PDE4B: variants seen among roughly 807,000 people sequenced by gnomAD.
PDE4B encodes the protein 3',5'-cyclic-AMP phosphodiesterase 4B.
PDE4B carries 20 observed loss-of-function variants against 82.2 expected under a neutral mutation model. The ratio of observed to expected loss-of-function variants is 0.24; its 90% CI spans 0.17 to 0.35. PDE4B has a LOEUF of 0.35. PDE4B is among the 10% of genes least tolerant of loss of function. The probability of loss-of-function intolerance (pLI) is 1.00; values close to 1 mark genes in which losing one functional copy is unlikely to be tolerated. For synonymous variants in PDE4B, 320 were observed against 318.9 expected (o/e 1.00, Z -0.04); for missense variants, 655 against 907.2 (o/e 0.72, Z 3.57).
intron 12 of PDE4B, 78 bp downstream of exon 12, chr1:66,363,649 T>C: frequency 8.3e-7 from 1 of 1,202,994 alleles, no homozygotes; most frequent in Non-Finnish European, 1.2e-6. Context: ...TAGTAGCATG[T>C]GCCTGTAGTC....
intron 7 of PDE4B, among the ~76,000 whole-genome samples, chr1:66,287,273 A>G (rs1209310733): frequency 3.9e-5 from 6 of 152,176 alleles, no homozygotes; most frequent in Non-Finnish European, 7.4e-5. Flanking sequence ...TAGAAAGGTC[A>G]TGAGTTTTGA....
At chr1:66,207,727 G>A (rs1361709212) in intron 3 of PDE4B, among the ~76,000 whole-genome samples, 1 of 152,206 alleles carries the variant, frequency 6.6e-6, no homozygotes, top group Non-Finnish European at 1.5e-5. Context: ...CATAATGATA[G>A]AGGATTCTAT....
chr1:66,087,903 G>A (rs1215418121), intron 3 of PDE4B, among the ~76,000 whole-genome samples: 2 of 150,250 alleles, frequency 1.3e-5, no homozygotes, highest in Non-Finnish European at 3.0e-5. Context: ...AGCATTGGGA[G>A]ATATACCTAA....
intron 1 of PDE4B, among the ~76,000 whole-genome samples, chr1:65,816,291 C>T (rs1012955023): frequency 6.6e-6 from 1 of 150,450 alleles, no homozygotes. Flanking sequence ...TTAATTATCT[C>T]AACCCTTGAC....
intron 13 of PDE4B, 86 bp downstream of exon 13, chr1:66,365,852 A>C: frequency 1.4e-6 from 1 of 712,110 alleles, no homozygotes; most frequent in Non-Finnish European, 2.4e-6. Context: ...CATTATGGAT[A>C]ATCACAAGGA....
intron 2 of PDE4B, among the ~76,000 whole-genome samples, chr1:65,913,693 C>G (rs927740044): frequency 2.6e-5 from 4 of 152,188 alleles, no homozygotes; most frequent in African/African-American, 4.8e-5. Context: ...TTCTTCCACA[C>G]TTTTACCCAT....
At chr1:66,013,888 G>A (rs1462704774) in intron 3 of PDE4B, among the ~76,000 whole-genome samples, 2 of 151,998 alleles carry the variant, frequency 1.3e-5, no homozygotes, top group African/African-American at 2.4e-5. Flanking sequence ...CATAATGACT[G>A]TATCATTTGA....
intron 3 of PDE4B, among the ~76,000 whole-genome samples, chr1:66,080,689 T>G (rs1656676640): frequency 6.6e-6 from 1 of 152,172 alleles, no homozygotes; most frequent in South Asian, 2.1e-4. Flanking sequence ...CTGGCCTTCT[T>G]ATCGCTTATT....
At chr1:66,230,662 C>G (rs527341396) in intron 3 of PDE4B, among the ~76,000 whole-genome samples, 6 of 152,130 alleles carry the variant, frequency 3.9e-5, no homozygotes, top group Admixed American at 2.6e-4. Context: ...AAAATTCTTA[C>G]GTCTAAATTC....
At chr1:65,889,950 A>T (rs553573965) in intron 1 of PDE4B, among the ~76,000 whole-genome samples, 146 of 152,220 alleles carry the variant, frequency 9.6e-4, no homozygotes, top group African/African-American at 3.4e-3. Flanking sequence ...GGTTAAACAT[A>T]CCCCAAAACC....
Position 65,913,348 on chromosome 1 carries a change from G to A in PDE4B, c.34G>A (p.Ala12Thr). The A allele has an allele frequency of 6.2e-7, 1 of 1,613,596 alleles. No individual in the cohort carries two copies. The highest frequency in any genetic ancestry group is 1.1e-5 in the South Asian group (1 of 91,062). ...AAGCAGGAGTGTGATGACGGTGATG[G>A]CTGATGATGTAAGTTTCAAAAGGTC... ...KKSRSVMTVMADDNVKDYFEC... is the reference protein window; with the variant it reads ...KKSRSVMTVMTDDNVKDYFEC... Residue 12 changes from alanine to threonine, a missense_variant, in exon 2 of 17, where the codon GCT becomes ACT. Coordinates refer to ENST00000341517, the MANE Select transcript of PDE4B (RefSeq NM_002600.4).
At chr1:66,163,295 T>G (rs1055486519) in intron 3 of PDE4B, among the ~76,000 whole-genome samples, 1 of 152,238 alleles carries the variant, frequency 6.6e-6, no homozygotes, top group African/African-American at 2.4e-5. Flanking sequence ...TTGTTGAAAT[T>G]AAATCTGACG....
rs12043444 is a variant in PDE4B, at chr1:66,063,772, T to G, written c.281+144937T>G. On this transcript the variant is annotated intron_variant, in intron 3 of 16. Coordinates refer to ENST00000341517, the MANE Select transcript of PDE4B (RefSeq NM_002600.4). ...TTTTTTTCCTTTTGATATGTTCGTTTCTTAAATTTAAAAGTAGGAAATGTC... is the reference window on the plus strand; with the variant it reads ...TTTTTTTCCTTTTGATATGTTCGTTGCTTAAATTTAAAAGTAGGAAATGTC... Among the ~76,000 whole-genome samples the G allele has an allele frequency of 2.6e-5, 4 of 152,132 alleles. No individual in the cohort carries two copies. The South Asian group carries it at 6.2e-4, about 24-fold the overall frequency.
At chr1:66,234,833 A>T in intron 3 of PDE4B, among the ~76,000 whole-genome samples, 2 of 148,312 alleles carry the variant, frequency 1.3e-5, no homozygotes, top group East Asian at 2.0e-4. Context: ...TTTGTGATTT[A>T]TTTGCTTTTT....
intron 3 of PDE4B, among the ~76,000 whole-genome samples, chr1:66,084,724 T>G (rs1656917819): frequency 6.6e-6 from 1 of 152,112 alleles, no homozygotes; most frequent in South Asian, 2.1e-4. Flanking sequence ...TTAGTCTTTT[T>G]TCAGGTATGT....
intron 3 of PDE4B, among the ~76,000 whole-genome samples, chr1:66,234,866 T>C (rs1230465027): frequency 2.0e-5 from 3 of 152,182 alleles, no homozygotes; most frequent in Non-Finnish European, 2.9e-5. Flanking sequence ...ACGGAAGTCA[T>C]TTTTTCTATT....
intron 3 of PDE4B, among the ~76,000 whole-genome samples, chr1:66,133,263 G>A (rs545050188): frequency 3.3e-5 from 5 of 152,106 alleles, no homozygotes; most frequent in Non-Finnish European, 5.9e-5. Flanking sequence ...TAAGGTCCAG[G>A]TGATCCTCTC....
chr1:65,979,945 G>T (rs1392319411), intron 3 of PDE4B, among the ~76,000 whole-genome samples: 2 of 152,156 alleles, frequency 1.3e-5, no homozygotes, highest in Non-Finnish European at 2.9e-5. Flanking sequence ...AAAGGGCAGG[G>T]CTGTTGTTTT....
At chr1:66,163,034 C>T (rs1274900796) in intron 3 of PDE4B, among the ~76,000 whole-genome samples, 1 of 152,148 alleles carries the variant, frequency 6.6e-6, no homozygotes, top group Non-Finnish European at 1.5e-5. Context: ...AATAATGCTA[C>T]CATCCTTCTA....
Sources: gnomAD v4.1 joint callset for allele counts (sites outside exome capture counted in the v4.1 genomes callset) on GRCh38, gnomAD v4.1.1 for gene constraint, MANE v1.5 for transcripts, NCBI Gene and HGNC (gene_info 2026-07-23, HGNC 2026-07-21) for gene names.